The following SLC12A9 variants were observed in gnomAD, a reference collection of about 807,000 sequenced individuals.
SLC12A9 encodes CCC-interacting protein 1.
SLC12A9 carries 55 observed loss-of-function variants against 66.0 expected under a neutral mutation model. The ratio of observed to expected loss-of-function variants is 0.83; its 90% CI spans 0.67 to 1.04. The LOEUF is 1.04. SLC12A9 is among the 50% of genes least tolerant of loss of function. The probability of loss-of-function intolerance (pLI) is 0.00; values close to 1 mark genes in which losing one functional copy is unlikely to be tolerated. For missense variants in SLC12A9, 1,061 were observed against 1,241.9 expected, an observed-to-expected ratio of 0.85 and a Z score of 2.19; for synonymous variants, 577 against 569.0, an observed-to-expected ratio of 1.01 and a Z score of -0.20.
intron 5 of SLC12A9, 71 bp downstream of exon 5, chr7:100,857,247 A>T: frequency 1.3e-6 from 2 of 1,501,732 alleles, no homozygotes; most frequent in South Asian, 2.5e-5. Context: ...GGCCCGTAAA[A>T]CCTCTGGATG....
At chr7:100,846,494 G>T (rs1347050969) in intron 1 of SLC12A9, among the ~76,000 whole-genome samples, 1 of 151,982 alleles carries the variant, frequency 6.6e-6, no homozygotes, top group Non-Finnish European at 1.5e-5. Context: ...ATGAACCCAG[G>T]AGGCGGAGCT....
chr7:100,838,585 T>C (rs62483647), intron 1 of SLC12A9, among the ~76,000 whole-genome samples: 3,447 of 152,200 alleles, frequency 0.023, 44 homozygotes, highest in Non-Finnish European at 0.037. Context: ...TGACGCGATC[T>C]TGGCTCACTG....
chr7:100,841,683 A>G (rs1208006001), intron 1 of SLC12A9, among the ~76,000 whole-genome samples: 1 of 152,202 alleles, frequency 6.6e-6, no homozygotes, highest in African/African-American at 2.4e-5. Context: ...ATAAAGTTTT[A>G]TTAAAATTAG....
intron 4 of SLC12A9, chr7:100,856,194 G>GT (rs1814375645): frequency 5.5e-6 from 1 of 181,680 alleles, no homozygotes; most frequent in African/African-American, 2.4e-5. Context: ...CACAGTTGGG[G>GT]CTGGGTCCCT....
rs1300439941 is a variant in SLC12A9, at chr7:100,827,085, C to A, written n.228+38C>A. 17 of 1,540,632 alleles carry A rather than the reference C, an allele frequency of 1.1e-5. No individual in the cohort carries two copies. In the Admixed American group the frequency reaches 3.2e-4, roughly 29 times the overall value. The stretch of plus-strand genomic sequence containing the variant: ...CTGAGTTTGGGGGGCCCTCGCCCCC[C>A]CAGGTCTGACTCTCCCTGGGCGGGT... On this transcript the variant is annotated intron_variant and non_coding_transcript_variant, in intron 1 of 1. Coordinates refer to the SLC12A9 transcript ENST00000461016.
Position 100,859,929 on chromosome 7 carries a change from T to G in SLC12A9, c.1022T>G (p.Leu341Arg). 1 of 1,610,004 alleles carries G rather than the reference T, an allele frequency of 6.2e-7. No homozygotes were observed. The highest frequency in any genetic ancestry group is 8.5e-7 in the Non-Finnish European group (1 of 1,176,488). Reference sequence around the variant, plus strand: ...TATGGGTTCTTCCGCGCCATCAGCCTGTGGCCCCCACTGGTGTTGATCGGA... The same window carrying G: ...TATGGGTTCTTCCGCGCCATCAGCCGGTGGCCCCCACTGGTGTTGATCGGA... ...EDYGFFRAIS[L>R]WPPLVLIGIY... The change falls in exon 8 of 14, where the codon CTG (leucine) becomes CGG (arginine). Residue 341 changes from leucine (L) to arginine (R), a missense_variant. Leu to Arg is a moderately radical substitution (Grantham distance 102). Transcript: ENST00000354161.
chr7:100,864,381 C>T (rs1032356912), intron 13 of SLC12A9, among the ~76,000 whole-genome samples: 2 of 152,086 alleles, frequency 1.3e-5, no homozygotes, highest in Admixed American at 6.6e-5. Flanking sequence ...AAAAAAGAAC[C>T]ACAATTACTT....
chr7:100,833,587 A>G (rs1385639304), intron 1 of SLC12A9, among the ~76,000 whole-genome samples: 1 of 152,134 alleles, frequency 6.6e-6, no homozygotes, highest in Non-Finnish European at 1.5e-5. Flanking sequence ...TGGGAGGATC[A>G]CTTGAGCCCA....
chr7:100,838,055 G>GT (rs1157203549), intron 1 of SLC12A9, among the ~76,000 whole-genome samples: 1 of 151,808 alleles, frequency 6.6e-6, no homozygotes, highest in East Asian at 1.9e-4. Context: ...TAGAGACAGG[G>GT]TTTCACCATG....
upstream of SLC12A9, chr7:100,852,436 C>G (rs1814121845): frequency 6.6e-6 from 1 of 152,344 alleles, no homozygotes; most frequent in Non-Finnish European, 1.5e-5. Flanking sequence ...CTCACACGCC[C>G]CCTTTAGTGG....
chr7:100,832,546 G>A (rs1379132172), intron 1 of SLC12A9, among the ~76,000 whole-genome samples: 1 of 152,096 alleles, frequency 6.6e-6, no homozygotes, highest in Non-Finnish European at 1.5e-5. Context: ...CTAGAGGAAA[G>A]ACAGAGAAAG....
At chr7:100,827,070 G>T in intron 1 of SLC12A9, 1 of 1,555,232 alleles carries the variant, frequency 6.4e-7, no homozygotes, top group Non-Finnish European at 8.7e-7. Context: ...CTGAGTTTGG[G>T]GGGCCCTCGC....
rs761782637 is a variant in SLC12A9 at position 100,861,037 on chromosome 7, AT to A, written c.1219-99del. On this transcript the variant is annotated intron_variant, in intron 9 of 13. Coordinates refer to ENST00000354161, the MANE Select transcript of SLC12A9 (RefSeq NM_020246.4). This position sits in a 1 kb window ranked among gnomAD's most constrained non-coding sequence, Gnocchi z 5.3. Reference sequence around the variant, plus strand: ...GGTTCACTGGCACTTTCTGGGGCTCATTGACACTTTGGGGTACACTGGCATT... The same window carrying A: ...GGTTCACTGGCACTTTCTGGGGCTCATGACACTTTGGGGTACACTGGCATT... 35 of 1,599,082 alleles carry A rather than the reference AT, an allele frequency of 2.2e-5. No individual in the cohort carries two copies. The highest frequency in any genetic ancestry group is 3.3e-4 in the Middle Eastern group (2 of 6,070).
intron 1 of SLC12A9, chr7:100,837,690 C>A (rs1813689970): frequency 6.6e-6 from 1 of 152,204 alleles, no homozygotes; most frequent in Admixed American, 6.5e-5. Flanking sequence ...GACAGGATCT[C>A]TCTCTGTTGC....
Position 100,854,773 on chromosome 7 carries a change from G to T in SLC12A9, c.316+19G>T, listed in dbSNP as rs1164791529. 6.2e-7 allele frequency: 1 copy of T among 1,613,538 alleles called. No individual in the cohort carries two copies. Among genetic ancestry groups the T allele is most frequent in the South Asian group, 1.1e-5 (1 of 91,064 alleles). On this transcript the variant is annotated intron_variant, in intron 3 of 13. Transcript: ENST00000354161. ...GCCTACTGTATCCTCCAACATCGAT[G>T]GACTGGGGTCTGGCCTGTTCTGCCT...
At chr7:100,855,189 C>G (rs1189001296) in intron 3 of SLC12A9, among the ~76,000 whole-genome samples, 1 of 152,208 alleles carries the variant, frequency 6.6e-6, no homozygotes, top group Admixed American at 6.5e-5. Context: ...GTGGCGCCAT[C>G]ATAGCTCACT....
exon 1 of SLC12A9, chr7:100,826,959 C>G (rs772598797): frequency 7.2e-6 from 11 of 1,536,544 alleles, no homozygotes; most frequent in Non-Finnish European, 9.7e-6. Flanking sequence ...GGGTGCGCCC[C>G]CCCCCGCAAG....
intron 1 of SLC12A9, among the ~76,000 whole-genome samples, chr7:100,834,963 G>T (rs1813619418): frequency 6.6e-6 from 1 of 152,014 alleles, no homozygotes; most frequent in South Asian, 2.1e-4. Context: ...CCCAGGAGGT[G>T]GAGGCTGCAG....
rs893961533 is a variant in SLC12A9, at chr7:100,866,715, C to T, written c.*110C>T. 1.9e-5 allele frequency: 23 copies of T among 1,211,372 alleles called. No homozygotes were observed. The Admixed American group carries it at 4.7e-4, about 25-fold the overall frequency. 75.0% of individuals were successfully genotyped at this position (1,211,372 alleles called of 1,614,324 possible). On this transcript the variant is annotated 3_prime_UTR_variant, in exon 14 of 14. Coordinates refer to ENST00000354161, the MANE Select transcript of SLC12A9 (RefSeq NM_020246.4). The surrounding 1 kb of genome is among the most constrained non-coding windows in gnomAD (Gnocchi z 7.3). ...GTGGCCCGTGGCCCTGCCCTTGGGA[C>T]GTGGAGCCCAGGGGAGGTTTGAAGG...
Sources: gnomAD v4.1 joint callset for allele counts (sites outside exome capture counted in the v4.1 genomes callset) on GRCh38, gnomAD v4.1.1 for gene constraint, Gnocchi (gnomAD v3.1) non-coding constraint, MANE v1.5 for transcripts, NCBI Gene and HGNC (gene_info 2026-07-23, HGNC 2026-07-21) for gene names.